The following FER1L6 variants were observed in gnomAD, a reference collection of about 807,000 sequenced individuals.
The protein encoded by FER1L6 is fer-1-like protein 6.
FER1L6 carries 177 observed loss-of-function variants against 219.2 expected under a neutral mutation model. The observed-to-expected ratio is 0.81, with a 90% confidence interval of 0.71 to 0.91. The LOEUF is 0.91. Among genes scored for constraint, FER1L6 ranks in the 40% least tolerant of loss-of-function variants. The pLI, the probability that FER1L6 is intolerant of heterozygous loss-of-function variation, is 0.00. For missense variants in FER1L6, 2,153 were observed against 2,259.9 expected (o/e 0.95, Z 0.96); for synonymous variants, 768 against 824.3 (o/e 0.93, Z 1.17).
intron 1 of FER1L6, among the ~76,000 whole-genome samples, chr8:123,930,500 C>T (rs1813727309): frequency 6.6e-6 from 1 of 152,126 alleles, no homozygotes; most frequent in South Asian, 2.1e-4. Context: ...TTCCTTTGAG[C>T]TGGGCCTTAG....
At chr8:123,944,617 G>A (rs1814402061) in intron 1 of FER1L6, among the ~76,000 whole-genome samples, 1 of 152,148 alleles carries the variant, frequency 6.6e-6, no homozygotes, top group African/African-American at 2.4e-5. Flanking sequence ...CACTCTATGA[G>A]GTAGGTACTA....
chr8:124,073,060 T>TC (rs1442302751), intron 31 of FER1L6, among the ~76,000 whole-genome samples: 2 of 37,712 alleles, frequency 5.3e-5, no homozygotes. Flanking sequence ...CTCATACCTT[T>TC]TTTCCCCTGC....
chr8:123,902,001 G>A (rs1812868079), intron 1 of FER1L6, among the ~76,000 whole-genome samples: 1 of 152,104 alleles, frequency 6.6e-6, no homozygotes, highest in African/African-American at 2.4e-5. Flanking sequence ...TTACAGGTGT[G>A]AGCCACCATG....
At chr8:124,072,452 C>T (rs1821118043) in intron 31 of FER1L6, among the ~76,000 whole-genome samples, 1 of 152,206 alleles carries the variant, frequency 6.6e-6, no homozygotes, top group African/African-American at 2.4e-5. Context: ...TTGTTTTAAT[C>T]TCCTGACCTT....
At chr8:124,065,332 C>T (rs1201433948) in intron 26 of FER1L6, among the ~76,000 whole-genome samples, 3 of 135,662 alleles carry the variant, frequency 2.2e-5, no homozygotes, top group South Asian at 2.6e-4. Context: ...GCCTGGGAGG[C>T]GGAGGCTGCA....
intron 14 of FER1L6, among the ~76,000 whole-genome samples, chr8:124,012,565 C>A (rs1448894622): frequency 2.0e-5 from 3 of 152,160 alleles, no homozygotes; most frequent in Non-Finnish European, 4.4e-5. Flanking sequence ...ATCCATACCC[C>A]CTATAGTGTT....
chr8:124,064,554 C>CAAA lies in FER1L6; in HGVS notation c.3538_3540dup (p.Lys1180dup). 6.2e-7 allele frequency: 1 copy of CAAA among 1,609,462 alleles called. No individual in the cohort carries two copies. On this transcript the variant is annotated inframe_insertion, in exon 26 of 41. Coordinates refer to ENST00000522917, the MANE Select transcript of FER1L6 (RefSeq NM_001039112.2). ...CACACACCTGTAGCCCAGGAGCCACCAAAAGATGGAAAACCTAAGGTCAGA... is the reference window on the plus strand; with the variant it reads ...CACACACCTGTAGCCCAGGAGCCACCAAAAAAAGATGGAAAACCTAAGGTCAGA...
At chr8:124,071,423 A>G (rs1461051688) in intron 30 of FER1L6, 83 bp from the exon 31 acceptor site, 1 of 1,557,094 alleles carries the variant, frequency 6.4e-7, no homozygotes, top group African/African-American at 1.4e-5. Flanking sequence ...AGCTGTGCCC[A>G]TTTTCCCAGC....
At position 123,966,013 on chromosome 8, in the gene FER1L6, A is replaced by C. The variant is rs751294049; in HGVS notation, c.204A>C (p.Lys68Asn). The change falls in exon 4 of 41, where the codon AAA becomes AAC. Residue 68 changes from lysine to asparagine, a missense_variant. Physicochemically the swap from Lys to Asn is moderately conservative, Grantham distance 94. Coordinates refer to ENST00000522917, the MANE Select transcript of FER1L6 (RefSeq NM_001039112.2). ...TTAAACTTTCTTTTAATAGATCAAA[A>C]CTGTTGACTAAGATCCATGATGGGG... ...VPSASPKRRS[K>N]LLTKIHDGEV... The C allele has an allele frequency of 6.2e-7, 1 of 1,613,222 alleles. No homozygotes were observed. The highest frequency in any genetic ancestry group is 8.5e-7 in the Non-Finnish European group (1 of 1,179,444).
At chr8:124,015,607 A>ATATATATATATATATGTATG (rs71289634) in intron 15 of FER1L6, among the ~76,000 whole-genome samples, 3 of 88,600 alleles carry the variant, frequency 3.4e-5, no homozygotes, top group African/African-American at 1.3e-4. Context: ...ATATATATAT[A>ATATATATATATATATGTATG]TATATATATT....
intron 11 of FER1L6, 61 bp downstream of exon 11, chr8:123,980,872 C>T: frequency 7.3e-7 from 1 of 1,378,108 alleles, no homozygotes; most frequent in Non-Finnish European, 9.9e-7. Context: ...CAGGGACTGC[C>T]CCTGCCACAG....
At position 124,039,843 on chromosome 8, in the gene FER1L6, GCCCA is replaced by G. The variant is rs748138265; in HGVS notation, c.2465-37_2465-34del. 56 of 1,613,414 alleles carry G rather than the reference GCCCA, an allele frequency of 3.5e-5. No homozygotes were observed. The African/African-American group carries it at 7.5e-4, about 22-fold the overall frequency. On this transcript the variant is annotated intron_variant, in intron 19 of 40. Coordinates refer to ENST00000522917, the MANE Select transcript of FER1L6 (RefSeq NM_001039112.2). The stretch of plus-strand genomic sequence containing the variant: ...CATGTGCACACACTGTTCTTGAAAA[GCCCA>G]CTAACACCTGCCCCCTTCCATGATT...
At chr8:123,953,269 A>T (rs981463289) in intron 1 of FER1L6, among the ~76,000 whole-genome samples, 3 of 152,136 alleles carry the variant, frequency 2.0e-5, no homozygotes, top group Admixed American at 6.5e-5. Flanking sequence ...ACATCAGCCC[A>T]CCCAAGAGGG....
At chr8:124,018,901 C>T (rs1030716916) in intron 16 of FER1L6, among the ~76,000 whole-genome samples, 4 of 152,196 alleles carry the variant, frequency 2.6e-5, no homozygotes, top group Non-Finnish European at 5.9e-5. Flanking sequence ...ATACTAGGTC[C>T]TGCAGATTCT....
chr8:123,931,348 C>T (rs2129919899), intron 1 of FER1L6, among the ~76,000 whole-genome samples: 1 of 152,294 alleles, frequency 6.6e-6, no homozygotes, highest in South Asian at 2.1e-4. Context: ...TTCACTTCCT[C>T]TTTGTGGGAT....
Position 124,023,430 on chromosome 8 carries a change from C to G in FER1L6, c.2134-14C>G, listed in dbSNP as rs1563749973. ...CCCATTCCTATTCAATCCCAACTCC[C>G]TCTATTCCCACAGCCCCAGCACACT... On this transcript the variant is annotated splice_polypyrimidine_tract_variant and intron_variant, in intron 17 of 40. Coordinates refer to ENST00000522917, the MANE Select transcript of FER1L6 (RefSeq NM_001039112.2). 1 of 1,611,842 alleles carries G rather than the reference C, an allele frequency of 6.2e-7. No homozygotes were observed. Among genetic ancestry groups the G allele is most frequent in the Admixed American group, 1.7e-5 (1 of 59,932 alleles).
rs556107398 is a variant in FER1L6 at position 124,049,904 on chromosome 8, G to A, written c.2874+148G>A. ...TGTCTCCTGGGGACCTGAGAGGTGC[G>A]CTTAAGAACTCAGGTGACTTGGACT... On this transcript the variant is annotated intron_variant, in intron 22 of 40. Transcript: ENST00000522917. 1.1e-4 allele frequency: 83 copies of A among 745,964 alleles called. No homozygotes were observed. The East Asian group carries it at 1.8e-3, about 17-fold the overall frequency. The allele number at this position is 745,964 out of a possible 1,614,324, so 46.2% of individuals were successfully genotyped here.
At position 123,853,639 on chromosome 8, in the gene FER1L6, C is replaced by T. The variant is rs965059074; in HGVS notation, c.-8+1454C>T. Among the ~76,000 whole-genome samples the T allele has an allele frequency of 1.5e-4, 23 of 152,080 alleles. No homozygotes were observed. The highest frequency in any genetic ancestry group is 5.6e-4 in the African/African-American group (23 of 41,396). ...AGAAAAAGGGGTAGGTACGCCTCAC[C>T]ACGGGCAAGCGTGGAGTAACATATT... is the stretch of plus-strand genomic sequence containing the variant. On this transcript the variant is annotated intron_variant, in intron 1 of 40. Transcript: ENST00000522917. This position sits in a 1 kb window ranked among gnomAD's most constrained non-coding sequence, Gnocchi z 6.6.
rs770273006 is a variant in FER1L6 at position 124,076,221 on chromosome 8, T to G, written c.4116T>G (p.Asp1372Glu). 1 of 1,614,064 alleles carries G rather than the reference T, an allele frequency of 6.2e-7. No homozygotes were observed. The highest frequency in any genetic ancestry group is 8.5e-7 in the Non-Finnish European group (1 of 1,179,936). Residue 1372 changes from aspartate to glutamate, a missense_variant, in exon 32 of 41, where the codon GAT (aspartate) becomes GAG (glutamate). Coordinates refer to ENST00000522917, the MANE Select transcript of FER1L6 (RefSeq NM_001039112.2). ...IVAAFNLSPA[D>E]PDGKSDPYIV... ...AGGCATTTAATCTTAGTCCAGCTGA[T>G]CCAGATGGCAAATCAGATCCCTACA...
Sources: gnomAD v4.1 joint callset for allele counts (sites outside exome capture counted in the v4.1 genomes callset) on GRCh38, gnomAD v4.1.1 for gene constraint, Gnocchi (gnomAD v3.1) non-coding constraint, MANE v1.5 for transcripts, NCBI Gene and HGNC (gene_info 2026-07-23, HGNC 2026-07-21) for gene names.